Variants in ZNF467 observed in about 807,000 individuals in gnomAD.
The protein encoded by ZNF467 is zinc finger protein EZI.
ZNF467 carries 51 observed loss-of-function variants against 47.8 expected under a neutral mutation model. That is an observed-to-expected ratio of 1.07 (90% confidence interval 0.85 to 1.35). ZNF467 has a LOEUF of 1.35. ZNF467 is among the 40% of genes most tolerant of loss of function. The probability of loss-of-function intolerance (pLI) is 0.00; values close to 1 mark genes in which losing one functional copy is unlikely to be tolerated. For missense variants in ZNF467, 992 were observed against 858.1 expected (o/e 1.16, Z -1.95); for synonymous variants, 416 against 372.9 (o/e 1.12, Z -1.33).
rs1416495401 is a variant in ZNF467 at position 149,769,173 on chromosome 7, C to A, written c.179G>T (p.Gly60Val). 4 of 1,560,912 alleles carry A rather than the reference C, an allele frequency of 2.6e-6. No individual in the cohort carries two copies. Among genetic ancestry groups the A allele is most frequent in the Non-Finnish European group, 3.5e-6 (4 of 1,151,598 alleles). The change falls in exon 4 of 5, where the codon GGT becomes GTT. Residue 60 changes from glycine (G) to valine (V), a missense_variant. Gly to Val is a moderately radical substitution (Grantham distance 109). Coordinates refer to ENST00000302017, the MANE Select transcript of ZNF467 (RefSeq NM_207336.3). This position sits in a 1 kb window ranked among gnomAD's most constrained non-coding sequence, Gnocchi z 5.3. ...AGCCTCGGCTTGTTCTGTGTGGGCA[C>A]CTTCCTCCGGTGTAGGGGCCTCGTG... ...SGHEAPTPEE[G>V]AHTEQAEAPC...
At chr7:149,770,407 T>C in intron 3 of ZNF467, 33 bp downstream of exon 3, 1 of 1,541,480 alleles carries the variant, frequency 6.5e-7, no homozygotes, top group Non-Finnish European at 8.9e-7. Context: ...GGGGGACTCC[T>C]CCCTGAGCCT....
intron 1 of ZNF467, among the ~76,000 whole-genome samples, chr7:149,771,801 C>A (rs1799419169): frequency 6.7e-6 from 1 of 148,894 alleles, no homozygotes; most frequent in Non-Finnish European, 1.5e-5. Flanking sequence ...CGCCCTCTCT[C>A]CCCTGCGAAT....
At chr7:149,776,505 G>T (rs369518197), upstream of ZNF467, 1 of 1,314,418 alleles carries the variant, frequency 7.6e-7, no homozygotes, top group African/African-American at 1.5e-5. Context: ...GGTCCCCAGC[G>T]CCTGGGCTCT....
chr7:149,765,308 G>A lies in ZNF467; in HGVS notation c.1194C>T (p.Pro398=), dbSNP rs1374964072. Residue 398 remains proline, a synonymous_variant, in exon 5 of 5, where the codon CCC becomes CCT. Coordinates refer to ENST00000302017, the MANE Select transcript of ZNF467 (RefSeq NM_207336.3). ...GCGCGCTGGCCAGGGGCTTGGCGGC[G>A]GGGGCATCCACGGTGGCGCCCAGTG... is the stretch of plus-strand genomic sequence containing the variant. ...ECALGATVDA[P]AAKPLASAPG... The A allele has an allele frequency of 2.7e-6, 4 of 1,477,658 alleles. No individual in the cohort carries two copies. Among genetic ancestry groups the A allele is most frequent in the Non-Finnish European group, 3.6e-6 (4 of 1,111,492 alleles). 91.5% of individuals were successfully genotyped at this position (1,477,658 alleles called of 1,614,324 possible).
In ZNF467 at chr7:149,766,228, T is replaced by C; in HGVS notation, c.274A>G (p.Met92Val). The change falls in exon 5 of 5, where the codon ATG becomes GTG. Residue 92 changes from methionine (M) to valine (V), a missense_variant. Transcript: ENST00000302017. ...PVGTCPGEEW[M>V]IRKVKVEDED... ...TCCTCCACCTTCACCTTCCGAATCA[T>C]CCACTCCTCTCCTGGAAAGTCAAAA... The C allele has an allele frequency of 6.6e-7, 1 of 1,517,736 alleles. No individual in the cohort carries two copies. Among genetic ancestry groups the C allele is most frequent in the Non-Finnish European group, 8.8e-7 (1 of 1,132,582 alleles). The allele number at this position is 1,517,736 out of a possible 1,614,324, so 94.0% of individuals were successfully genotyped here. A position where few individuals can be genotyped will look rare whatever the true frequency, so the allele number is the denominator to read the frequency against.
chr7:149,776,074 G>A (rs372265232), upstream of ZNF467: 14 of 1,365,108 alleles, frequency 1.0e-5, no homozygotes, highest in African/African-American at 1.0e-4. Context: ...TTGGGATGGC[G>A]TGGGCCCTGG....
upstream of ZNF467, among the ~76,000 whole-genome samples, chr7:149,774,568 C>G (rs1563083780): frequency 6.6e-6 from 1 of 152,178 alleles, no homozygotes; most frequent in Non-Finnish European, 1.5e-5. The surrounding 1 kb of genome is among the most constrained non-coding windows in gnomAD (Gnocchi z 5.7). Flanking sequence ...CCTGGAAGAG[C>G]GCCCATCACT....
At chr7:149,776,057 C>G (rs199876239), upstream of ZNF467, 3 of 1,365,478 alleles carry the variant, frequency 2.2e-6, no homozygotes, top group Admixed American at 5.7e-5. Flanking sequence ...ACTCCCTGCC[C>G]TCCTCTTTGG....
Position 149,765,013 on chromosome 7 carries a change from T to C in ZNF467, c.1489A>G (p.Ser497Gly). ...TGGCGGCCCAGGTGCGACTTGCGGC[T>C]GAAGCGGCGGCCGCACTGAGCGCAG... ...FACAQCGRRF[S>G]RKSHLGRHQA... is the part of the protein sequence containing the mutation. The change falls in exon 5 of 5, where the codon AGC becomes GGC. Residue 497 changes from serine (S) to glycine (G), a missense_variant. Ser to Gly is a moderately conservative substitution (Grantham distance 56, BLOSUM62 0). Coordinates refer to ENST00000302017, the MANE Select transcript of ZNF467 (RefSeq NM_207336.3). 2 of 1,581,352 alleles carry C rather than the reference T, an allele frequency of 1.3e-6. No individual in the cohort carries two copies. The highest frequency in any genetic ancestry group is 1.7e-6 in the Non-Finnish European group (2 of 1,169,492).
intron 4 of ZNF467, among the ~76,000 whole-genome samples, chr7:149,767,817 G>T (rs1313782969): frequency 6.6e-6 from 1 of 152,128 alleles, no homozygotes; most frequent in Non-Finnish European, 1.5e-5. Flanking sequence ...TTCCTGAGTC[G>T]CTGGGATTAC....
At chr7:149,768,976 TG>T in intron 4 of ZNF467, 113 bp downstream of exon 4, 2 of 915,410 alleles carry the variant, frequency 2.2e-6, no homozygotes, top group Non-Finnish European at 3.2e-6. Flanking sequence ...TAGAAGGGCC[TG>T]GACTGCCTGT....
intron 4 of ZNF467, 127 bp from the exon 5 acceptor site, chr7:149,766,366 G>C: frequency 4.9e-6 from 7 of 1,429,526 alleles, no homozygotes; most frequent in Non-Finnish European, 6.4e-6. Flanking sequence ...ACGCTTCCCG[G>C]GAGTGACCAA....
Position 149,770,557 on chromosome 7 carries a change from C to T in ZNF467, c.35-1G>A. Reference sequence around the variant, plus strand: ...ATCTCTGGCTGTCCCACAGAGAATCCTGTTACAGGCAGAAGGATGGGTCCA... The same window carrying T: ...ATCTCTGGCTGTCCCACAGAGAATCTTGTTACAGGCAGAAGGATGGGTCCA... On this transcript the variant is annotated splice_acceptor_variant, in intron 2 of 4. Transcript: ENST00000302017. LOFTEE classifies it high-confidence loss of function. 1.2e-6 allele frequency: 2 copies of T among 1,611,170 alleles called. No homozygotes were observed. The highest frequency in any genetic ancestry group is 2.2e-5 in the East Asian group (1 of 44,866).
chr7:149,765,422 G>A lies in ZNF467; in HGVS notation c.1080C>T (p.Cys360=), dbSNP rs567998273. 1 of 1,576,762 alleles carries A rather than the reference G, an allele frequency of 6.3e-7. No homozygotes were observed. The highest frequency in any genetic ancestry group is 8.6e-7 in the Non-Finnish European group (1 of 1,161,888). The part of the protein sequence containing the change: ...PGPKPFACSD[C]GLSFGWKKNL... ...TCTTTTTCCAGCCGAAGCTCAAGCC[G>A]CAGTCGGAGCACGCGAAAGGCTTTG... Residue 360 remains cysteine, a synonymous_variant, in exon 5 of 5, where the codon TGC becomes TGT. Transcript: ENST00000302017.
rs1228141671 is a variant in ZNF467 at position 149,769,190 on chromosome 7, G to A, written c.162C>T (p.Ala54=). Residue 54 remains alanine, a synonymous_variant, in exon 4 of 5, where the codon GCC becomes GCT. Coordinates refer to ENST00000302017, the MANE Select transcript of ZNF467 (RefSeq NM_207336.3). The surrounding 1 kb of genome is among the most constrained non-coding windows in gnomAD (Gnocchi z 5.3). ...RALGVCSGHE[A]PTPEEGAHTE... ...TGTGGGCACCTTCCTCCGGTGTAGG[G>A]GCCTCGTGCCCTGGCAGAGAATAGG... The A allele has an allele frequency of 6.4e-7, 1 of 1,556,738 alleles. No individual in the cohort carries two copies. The highest frequency in any genetic ancestry group is 2.4e-5 in the East Asian group (1 of 41,402).
intron 4 of ZNF467, among the ~76,000 whole-genome samples, chr7:149,768,646 A>G (rs1282319873): frequency 6.6e-6 from 1 of 152,212 alleles, no homozygotes; most frequent in Non-Finnish European, 1.5e-5. Context: ...CACCCTGGGT[A>G]TGAGGAGATG....
rs1262986466 is a variant in ZNF467 at position 149,773,438 on chromosome 7, C to T, written c.-373G>A. The T allele has an allele frequency of 7.3e-6, 1 of 136,678 alleles. No homozygotes were observed. Among genetic ancestry groups the T allele is most frequent in the Non-Finnish European group, 1.6e-5 (1 of 64,412 alleles). The allele number at this position is 136,678 out of a possible 1,614,324, so 8.5% of individuals were successfully genotyped here. A position where few individuals can be genotyped will look rare whatever the true frequency, so the allele number is the denominator to read the frequency against. On this transcript the variant is annotated 5_prime_UTR_variant, in exon 1 of 5. Transcript: ENST00000302017. Reference sequence around the variant, plus strand: ...TGGGCTTAGGTGGGCAGGTGATGGTCCTAAGGCTCCGAGCCTGGAGTAGGT... The same window carrying T: ...TGGGCTTAGGTGGGCAGGTGATGGTTCTAAGGCTCCGAGCCTGGAGTAGGT...
chr7:149,769,442 C>T lies in ZNF467; in HGVS notation c.152-242G>A, dbSNP rs933855988. Among the ~76,000 whole-genome samples the T allele has an allele frequency of 1.3e-5, 2 of 152,116 alleles. No homozygotes were observed. The highest frequency in any genetic ancestry group is 2.9e-5 in the Non-Finnish European group (2 of 68,018). ...AGATGGACTACAAGGTTACAAGAGCCACCACTGTGAAGAGTTCCTGGAATA... is the reference window on the plus strand; with the variant it reads ...AGATGGACTACAAGGTTACAAGAGCTACCACTGTGAAGAGTTCCTGGAATA... On this transcript the variant is annotated intron_variant, in intron 3 of 4. Coordinates refer to ENST00000302017, the MANE Select transcript of ZNF467 (RefSeq NM_207336.3). The surrounding 1 kb of genome is among the most constrained non-coding windows in gnomAD (Gnocchi z 5.3).
upstream of ZNF467, among the ~76,000 whole-genome samples, chr7:149,775,312 C>T (rs1372237890): frequency 6.6e-6 from 1 of 152,104 alleles, no homozygotes; most frequent in Non-Finnish European, 1.5e-5. Context: ...TACATGTTGC[C>T]CACGCATCTC....
Sources: allele counts gnomAD v4.1 joint callset (sites outside exome capture counted in the v4.1 genomes callset), GRCh38; gene constraint gnomAD v4.1.1; non-coding constraint Gnocchi (gnomAD v3.1); transcripts MANE v1.5; gene names NCBI Gene and HGNC (gene_info 2026-07-23, HGNC 2026-07-21).